Variants in PKHD1L1 observed in about 807,000 individuals in gnomAD.
The protein encoded by PKHD1L1 is fibrocystin-L.
Under a neutral mutation model 462.9 loss-of-function variants are expected in PKHD1L1, and 434 were observed. The ratio of observed to expected loss-of-function variants is 0.94; its 90% CI spans 0.87 to 1.02. PKHD1L1 has a LOEUF of 1.02. Ranked by LOEUF, PKHD1L1 falls within the 50% of genes least tolerant of loss-of-function variation. The probability of loss-of-function intolerance (pLI) is 0.00; values close to 1 mark genes in which losing one functional copy is unlikely to be tolerated. For missense variants in PKHD1L1, 5,202 were observed against 5,096.1 expected, an observed-to-expected ratio of 1.02 and a Z score of -0.63; for synonymous variants, 1,781 against 1,750.0, an observed-to-expected ratio of 1.02 and a Z score of -0.44.
chr8:109,487,898 A>AAGGAAGGAAGGAAGGAAGGC (rs1366507326), intron 59 of PKHD1L1, among the ~76,000 whole-genome samples: 2 of 134,904 alleles, frequency 1.5e-5, no homozygotes, highest in African/African-American at 2.7e-5. Context: ...GAGAGGAAGG[A>AAGGAAGGAAGGAAGGAAGGC]AGGAAGGAAG....
rs908392550 is a variant in PKHD1L1 at position 109,389,296 on chromosome 8, G to A, written c.697+144G>A. ...TTTTTTGTATTTTCTCTTTTCCTTGGCTTCTTTTCACTTTCATGCAAACAT... is the reference window on the plus strand; with the variant it reads ...TTTTTTGTATTTTCTCTTTTCCTTGACTTCTTTTCACTTTCATGCAAACAT... On this transcript the variant is annotated intron_variant, in intron 8 of 77. Coordinates refer to ENST00000378402, the MANE Select transcript of PKHD1L1 (RefSeq NM_177531.6). The A allele has an allele frequency of 7.0e-6, 4 of 568,404 alleles. No homozygotes were observed. In the Admixed American group the frequency reaches 1.5e-4, roughly 21 times the overall value. 35.2% of individuals were successfully genotyped at this position (568,404 alleles called of 1,614,324 possible).
At chr8:109,477,738 C>T (rs910002838) in intron 53 of PKHD1L1, among the ~76,000 whole-genome samples, 3 of 152,176 alleles carry the variant, frequency 2.0e-5, no homozygotes, top group Non-Finnish European at 4.4e-5. Context: ...TCACTGATGG[C>T]ATATCCAGTA....
intron 5 of PKHD1L1, among the ~76,000 whole-genome samples, chr8:109,385,269 A>G (rs912135328): frequency 2.0e-5 from 3 of 148,842 alleles, no homozygotes; most frequent in Non-Finnish European, 3.0e-5. Flanking sequence ...TTTTTCTCAA[A>G]TAGTCACCGA....
chr8:109,502,343 T>C (rs1029481924), intron 67 of PKHD1L1, among the ~76,000 whole-genome samples: 1 of 152,210 alleles, frequency 6.6e-6, no homozygotes, highest in African/African-American at 2.4e-5. Flanking sequence ...CTGTGGAAGA[T>C]AAGATTTGTC....
rs761712457 is a variant in PKHD1L1, at chr8:109,442,054, G to A, written c.4252G>A (p.Val1418Met). ...AWSPPVLNVS[V>M]GDTVAWHWQT... ...GTCACCACCAGTCCTAAATGTGTCT[G>A]TGGGGGACACAGTGGCATGGCATTG... is the stretch of plus-strand genomic sequence containing the variant. The change falls in exon 35 of 78, where the codon GTG becomes ATG. Residue 1418 changes from valine to methionine, a missense_variant. Coordinates refer to ENST00000378402, the MANE Select transcript of PKHD1L1 (RefSeq NM_177531.6). 265 of 1,613,392 alleles carry A rather than the reference G, an allele frequency of 1.6e-4. No individual in the cohort carries two copies. Among genetic ancestry groups the A allele is most frequent in the South Asian group, 1.4e-3 (130 of 91,042 alleles).
rs1425890415 is a variant in PKHD1L1, at chr8:109,480,008, G to T, written c.9196G>T (p.Asp3066Tyr). 8.8e-6 allele frequency: 14 copies of T among 1,585,666 alleles called. No homozygotes were observed. Among genetic ancestry groups the T allele is most frequent in the South Asian group, 1.2e-5 (1 of 85,234 alleles). ...TTTTATAGGAACATGGATTGTAGCTGACATAGATATGCCATCAATGGAAAG... is the reference window on the plus strand; with the variant it reads ...TTTTATAGGAACATGGATTGTAGCTTACATAGATATGCCATCAATGGAAAG... ...IIPEGTWIVA[D>Y]IDMPSMERLI... Residue 3066 changes from aspartate (D) to tyrosine (Y), a missense_variant, in exon 55 of 78, where the codon GAC becomes TAC. By Grantham distance (160) the Asp-to-Tyr change is radical. Around this residue, in one of 3 missense-constraint regions of PKHD1L1, gnomAD observed 4,497 missense variants for 4,336.8 expected, o/e 1.04. Coordinates refer to ENST00000378402, the MANE Select transcript of PKHD1L1 (RefSeq NM_177531.6).
chr8:109,518,248 T>G lies in PKHD1L1; in HGVS notation c.11771T>G (p.Val3924Gly), dbSNP rs778676058. The G allele has an allele frequency of 2.5e-6, 4 of 1,611,006 alleles. No homozygotes were observed. The highest frequency in any genetic ancestry group is 3.4e-6 in the Non-Finnish European group (4 of 1,177,580). The change falls in exon 73 of 78, where the codon GTT (valine) becomes GGT (glycine). Residue 3924 changes from valine to glycine, a missense_variant. Val to Gly is a moderately radical substitution (Grantham distance 109, BLOSUM62 -3). Transcript: ENST00000378402. Reference protein sequence around the residue: ...DGTYQMLYLLVKGTIPVEIHT... With the variant: ...DGTYQMLYLLGKGTIPVEIHT... ...ACCTACCAGATGCTTTATCTTTTGGTTAAAGGAACTATACCTGTTGAAATT... is the reference window on the plus strand; with the variant it reads ...ACCTACCAGATGCTTTATCTTTTGGGTAAAGGAACTATACCTGTTGAAATT...
intron 59 of PKHD1L1, among the ~76,000 whole-genome samples, chr8:109,487,927 A>AGGAAGGAAGGAT (rs1818632265): frequency 6.6e-6 from 1 of 150,686 alleles, no homozygotes; most frequent in African/African-American, 2.4e-5. Context: ...GAAGGAAGGA[A>AGGAAGGAAGGAT]GGAAGGAAGG....
In PKHD1L1 at chr8:109,402,135, C is replaced by T. The variant is rs146872604; in HGVS notation, c.1373+547C>T. On this transcript the variant is annotated intron_variant, in intron 14 of 77. Transcript: ENST00000378402. Reference sequence around the variant, plus strand: ...GATTATCATCCAAATACCAGATAATCCCATTCAAAAAGCCATTCAGAATTC... The same window carrying T: ...GATTATCATCCAAATACCAGATAATTCCATTCAAAAAGCCATTCAGAATTC... Among the ~76,000 whole-genome samples, 14 of 152,180 alleles carry T rather than the reference C, an allele frequency of 9.2e-5. No individual in the cohort carries two copies. The South Asian group carries it at 2.9e-3, about 32-fold the overall frequency.
intron 40 of PKHD1L1, 89 bp downstream of exon 40, chr8:109,449,576 C>A: frequency 8.3e-7 from 1 of 1,198,160 alleles, no homozygotes; most frequent in Non-Finnish European, 1.1e-6. Context: ...TTCTTGGATT[C>A]CTTGGAGTAA....
intron 26 of PKHD1L1, 116 bp downstream of exon 26, chr8:109,429,578 T>G: frequency 1.0e-6 from 1 of 989,324 alleles, no homozygotes; most frequent in Non-Finnish European, 1.5e-6. Flanking sequence ...CATGGGAACA[T>G]TTGTCTTAAT....
Position 109,490,000 on chromosome 8 carries a change from G to T in PKHD1L1, c.9929G>T (p.Gly3310Val), listed in dbSNP as rs1441007173. ...GAATTTTATCACAGTGGTCAAGAAGGCTTCAGGGATAGCACAGATCCAAGA... is the reference window on the plus strand; with the variant it reads ...GAATTTTATCACAGTGGTCAAGAAGTCTTCAGGGATAGCACAGATCCAAGA... ...NVEFYHSGQE[G>V]FRDSTDPRYA... is the part of the protein sequence containing the mutation. Residue 3310 changes from glycine to valine, a missense_variant, in exon 60 of 78, where the codon GGC (glycine) becomes GTC (valine). This residue lies in a region of PKHD1L1 where 4,497 missense variants were observed against 4,336.8 expected (regional missense o/e 1.04). Coordinates refer to ENST00000378402, the MANE Select transcript of PKHD1L1 (RefSeq NM_177531.6). 19 of 1,609,366 alleles carry T rather than the reference G, an allele frequency of 1.2e-5. No homozygotes were observed. The highest frequency in any genetic ancestry group is 1.5e-5 in the Non-Finnish European group (18 of 1,176,748).
At chr8:109,467,143 T>C (rs1484530677) in intron 50 of PKHD1L1, among the ~76,000 whole-genome samples, 1 of 152,094 alleles carries the variant, frequency 6.6e-6, no homozygotes, top group African/African-American at 2.4e-5. Flanking sequence ...AATAGCTGCC[T>C]AACAGGTGCC....
intron 14 of PKHD1L1, among the ~76,000 whole-genome samples, chr8:109,401,993 G>T (rs898923733): frequency 2.6e-5 from 4 of 152,106 alleles, no homozygotes; most frequent in Admixed American, 2.0e-4. Flanking sequence ...TTATTAACTG[G>T]TTTATTCCAG....
In PKHD1L1 at chr8:109,466,591, T is replaced by C. The variant is rs756229827; in HGVS notation, c.8427T>C (p.His2809=). The C allele has an allele frequency of 6.3e-7, 1 of 1,595,514 alleles. No individual in the cohort carries two copies. Among genetic ancestry groups the C allele is most frequent in the South Asian group, 1.1e-5 (1 of 87,656 alleles). ...VDGSLTGHKG[H]TVIPHSSLLD... ...TTTGTTTCCCAGGGCACAAAGGACA[T>C]ACCGTCATTCCACACAGCTCATTGC... Residue 2809 remains histidine, a synonymous_variant, in exon 50 of 78, where the codon CAT becomes CAC. Transcript: ENST00000378402.
Position 109,443,757 on chromosome 8 carries a change from G to A in PKHD1L1, c.4646G>A (p.Arg1549Lys), listed in dbSNP as rs1197496892. The change falls in exon 37 of 78, where the codon AGG (arginine) becomes AAG (lysine). Residue 1549 changes from arginine (R) to lysine (K), a missense_variant. Arg to Lys is a conservative substitution (Grantham distance 26, BLOSUM62 2). Around this residue, in one of 3 missense-constraint regions of PKHD1L1, gnomAD observed 4,497 missense variants for 4,336.8 expected, o/e 1.04. Coordinates refer to ENST00000378402, the MANE Select transcript of PKHD1L1 (RefSeq NM_177531.6). ...CCCCTGTGCAGCCTGAACAATACCA[G>A]GGTTAAAAATTCAAAAAGATTGCTA... ...TEPLCSLNNTRVKNSKRLLFE... is the reference protein window; with the variant it reads ...TEPLCSLNNTKVKNSKRLLFE... The A allele has an allele frequency of 6.2e-7, 1 of 1,613,762 alleles. No individual in the cohort carries two copies. Among genetic ancestry groups the A allele is most frequent in the South Asian group, 1.1e-5 (1 of 91,060 alleles).
At chr8:109,491,825 A>G (rs555302622) in intron 61 of PKHD1L1, 48 bp from the exon 62 acceptor site, 1 of 1,494,386 alleles carries the variant, frequency 6.7e-7, no homozygotes, top group African/African-American at 1.4e-5. Flanking sequence ...TTGCAAATTG[A>G]CTTATGTTTT....
rs1229347653 is a variant in PKHD1L1, at chr8:109,523,229, TTA to T, written c.12331-3_12331-2del. ...ATAATTATCTACTTTTTTTTTTTTT[TTA>T]GGGTAACTGTGTATCAGTTGGAATT... On this transcript the variant is annotated splice_acceptor_variant and splice_polypyrimidine_tract_variant and intron_variant, in intron 75 of 77. Transcript: ENST00000378402. LOFTEE classifies it high-confidence loss of function. 6.4e-7 allele frequency: 1 copy of T among 1,557,154 alleles called. No homozygotes were observed.
Position 109,536,426 on chromosome 8 carries a change from C to G in PKHD1L1, c.*6336C>G, listed in dbSNP as rs150672508. On this transcript the variant is annotated 3_prime_UTR_variant, in exon 78 of 78. Coordinates refer to ENST00000378402, the MANE Select transcript of PKHD1L1 (RefSeq NM_177531.6). ...TATTTCTACTTTCTCAATCCATGTA[C>G]AAGATAGATTTACAAACTACTGTTT... Among the ~76,000 whole-genome samples, 3,010 of 152,230 alleles carry G rather than the reference C, an allele frequency of 0.02. 49 individuals carry two copies. The highest frequency in any genetic ancestry group is 0.031 in the Non-Finnish European group (2,129 of 68,000).
Sources: gnomAD v4.1 joint callset for allele counts (sites outside exome capture counted in the v4.1 genomes callset) on GRCh38, gnomAD v4.1.1 for gene constraint, gnomAD v4.1.1 regional missense constraint, MANE v1.5 for transcripts, NCBI Gene and HGNC (gene_info 2026-07-23, HGNC 2026-07-21) for gene names.